KIF13B: variants seen among roughly 807,000 people sequenced by gnomAD.
KIF13B encodes kinesin-like protein KIF13B.
Under a neutral mutation model 222.0 loss-of-function variants are expected in KIF13B, and 127 were observed. The observed-to-expected ratio is 0.57, with a 90% CI of 0.50 to 0.66. The LOEUF is 0.66. Ranked by LOEUF, KIF13B falls within the 30% of genes least tolerant of loss-of-function variation. The pLI, the probability that KIF13B is intolerant of heterozygous loss-of-function variation, is 0.00. For missense variants in KIF13B, 2,173 were observed against 2,379.0 expected, an observed-to-expected ratio of 0.91 and a Z score of 1.80; for synonymous variants, 976 against 919.0, an observed-to-expected ratio of 1.06 and a Z score of -1.12.
chr8:29,107,612 T>G (rs1484659007), intron 35 of KIF13B, among the ~76,000 whole-genome samples: 2 of 148,346 alleles, frequency 1.3e-5, no homozygotes, highest in Non-Finnish European at 3.0e-5. Flanking sequence ...CAGGCTGGAG[T>G]GCAGTGGTGC....
At chr8:29,229,889 CAT>C (rs938378109) in intron 2 of KIF13B, among the ~76,000 whole-genome samples, 3 of 152,176 alleles carry the variant, frequency 2.0e-5, no homozygotes, top group African/African-American at 7.2e-5. Flanking sequence ...TAATTGACTA[CAT>C]GTCTAACCCA....
chr8:29,078,127 CAAA>C (rs10530503), intron 37 of KIF13B, among the ~76,000 whole-genome samples: 4 of 74,306 alleles, frequency 5.4e-5, no homozygotes, highest in Non-Finnish European at 7.4e-5. Flanking sequence ...TACTAAAATC[CAAA>C]AAAAAAAAAA....
intron 3 of KIF13B, among the ~76,000 whole-genome samples, chr8:29,191,666 G>A (rs543058268): frequency 6.6e-6 from 1 of 152,258 alleles, no homozygotes; most frequent in South Asian, 2.1e-4. Context: ...CTACTTGGTG[G>A]GATCTTACAG....
At chr8:29,123,948 A>G in intron 27 of KIF13B, 76 bp downstream of exon 27, 1 of 868,640 alleles carries the variant, frequency 1.2e-6, no homozygotes, top group Non-Finnish European at 1.9e-6. Context: ...TTCTTAACTG[A>G]TGTGGCTACA....
At chr8:29,131,666 G>C (rs1023420941) in intron 23 of KIF13B, among the ~76,000 whole-genome samples, 1 of 152,180 alleles carries the variant, frequency 6.6e-6, no homozygotes, top group Admixed American at 6.5e-5. Flanking sequence ...ATGAGCTAAA[G>C]ACAACACTAG....
intron 2 of KIF13B, among the ~76,000 whole-genome samples, chr8:29,210,219 T>C (rs1401628632): frequency 2.0e-5 from 3 of 152,012 alleles, no homozygotes; most frequent in South Asian, 2.1e-4. Context: ...CTAAAATGAG[T>C]TGTAAAAGTT....
chr8:29,204,850 T>C (rs567267164), intron 2 of KIF13B, among the ~76,000 whole-genome samples: 3 of 152,376 alleles, frequency 2.0e-5, no homozygotes, highest in African/African-American at 4.8e-5. Context: ...TCAGTATTTG[T>C]GGTTTTCAAT....
chr8:29,188,018 C>A (rs1328358319), intron 5 of KIF13B, among the ~76,000 whole-genome samples: 1 of 152,134 alleles, frequency 6.6e-6, no homozygotes, highest in East Asian at 1.9e-4. Flanking sequence ...TTGAAAATAT[C>A]CAACACATTC....
At chr8:29,239,142 C>T (rs531083821) in intron 2 of KIF13B, among the ~76,000 whole-genome samples, 3 of 152,196 alleles carry the variant, frequency 2.0e-5, no homozygotes, top group Admixed American at 1.3e-4. Context: ...GCCCAGCCCC[C>T]CAAACCATAC....
intron 2 of KIF13B, among the ~76,000 whole-genome samples, chr8:29,224,668 C>G (rs200517083): frequency 6.6e-6 from 1 of 151,536 alleles, no homozygotes; most frequent in African/African-American, 2.4e-5. Context: ...TAGAACCCCC[C>G]CCCATTCATT....
intron 21 of KIF13B, chr8:29,138,489 A>G (rs1207256592): frequency 6.6e-6 from 1 of 152,238 alleles, no homozygotes; most frequent in Non-Finnish European, 1.5e-5. Flanking sequence ...TTATAGAACC[A>G]TTCTTTTGTA....
intron 37 of KIF13B, among the ~76,000 whole-genome samples, chr8:29,086,650 G>A (rs189687791): frequency 6.5e-4 from 99 of 152,260 alleles, no homozygotes; most frequent in African/African-American, 2.3e-3. Flanking sequence ...CAAACCATTC[G>A]GGGTGTTTTG....
intron 22 of KIF13B, among the ~76,000 whole-genome samples, chr8:29,132,822 G>A (rs1039139893): frequency 6.6e-6 from 1 of 152,176 alleles, no homozygotes; most frequent in Non-Finnish European, 1.5e-5. Flanking sequence ...AAAGTTATAT[G>A]CAATAAGGTA....
At chr8:29,256,953 C>T (rs565052116) in intron 1 of KIF13B, among the ~76,000 whole-genome samples, 1 of 152,228 alleles carries the variant, frequency 6.6e-6, no homozygotes, top group African/African-American at 2.4e-5. Flanking sequence ...CAGGGTTTCA[C>T]CATGTTGGCC....
At chr8:29,172,082 C>CTTTT (rs35655869) in intron 10 of KIF13B, among the ~76,000 whole-genome samples, 1 of 113,280 alleles carries the variant, frequency 8.8e-6, no homozygotes, top group Non-Finnish European at 1.7e-5. Context: ...ATTTTCTTTT[C>CTTTT]TTTTTTTTTT....
chr8:29,148,091 TC>T (rs559071342), intron 16 of KIF13B, among the ~76,000 whole-genome samples: 162 of 152,256 alleles, frequency 1.1e-3, no homozygotes, highest in African/African-American at 3.8e-3. Context: ...TCCCAGCTAC[TC>T]AGGAGGCTGA....
intron 2 of KIF13B, among the ~76,000 whole-genome samples, chr8:29,224,162 T>G (rs769234104): frequency 5.3e-5 from 5 of 94,164 alleles, no homozygotes; most frequent in South Asian, 4.0e-4. Flanking sequence ...CGGCTAATTT[T>G]TGTGTGTGTG....
At chr8:29,079,638 A>G (rs1807716295) in intron 37 of KIF13B, among the ~76,000 whole-genome samples, 1 of 152,246 alleles carries the variant, frequency 6.6e-6, no homozygotes, top group African/African-American at 2.4e-5. Context: ...AAGAGGTCCC[A>G]GTTGAAACAA....
At chr8:29,257,593 T>C (rs191769332) in intron 1 of KIF13B, among the ~76,000 whole-genome samples, 17 of 152,286 alleles carry the variant, frequency 1.1e-4, no homozygotes, top group Non-Finnish European at 1.2e-4. Context: ...TGTATATTTC[T>C]TGAAAAGAGG....
Sources: gnomAD v4.1 joint callset for allele counts (sites outside exome capture counted in the v4.1 genomes callset) on GRCh38, gnomAD v4.1.1 for gene constraint, MANE v1.5 for transcripts, NCBI Gene and HGNC (gene_info 2026-07-23, HGNC 2026-07-21) for gene names.